The following ACYP2 variants were observed in gnomAD, a reference collection of about 807,000 sequenced individuals.
ACYP2 encodes acylphosphatase 2.
In ACYP2, 12 loss-of-function variants were observed where a neutral mutation model predicts 11.2. The observed-to-expected ratio is 1.08, with a 90% CI of 0.69 to 1.74. The LOEUF (loss-of-function observed/expected upper bound fraction) is 1.74. Among genes scored for constraint, ACYP2 ranks in the 40% most tolerant of loss-of-function variants. ACYP2 has a pLI of 0.00. For synonymous variants in ACYP2, 43 were observed against 32.2 expected (o/e 1.33, Z -1.13); for missense variants, 134 against 101.9 (o/e 1.31, Z -1.35).
At chr2:54,228,717 AAAG>A (rs760118487) in intron 6 of ACYP2, among the ~76,000 whole-genome samples, 10 of 152,082 alleles carry the variant, frequency 6.6e-5, no homozygotes, top group Non-Finnish European at 1.5e-4. Context: ...AAAAGAAAAA[AAAG>A]GAAGGAAGGG....
chr2:54,172,600 TC>T (rs1683264737), intron 6 of ACYP2, among the ~76,000 whole-genome samples: 1 of 152,158 alleles, frequency 6.6e-6, no homozygotes, highest in Non-Finnish European at 1.5e-5. Context: ...ATCTCTTTTT[TC>T]TTTTATTTAT....
intron 4 of ACYP2, among the ~76,000 whole-genome samples, chr2:54,097,851 C>CTTCT (rs529156501): frequency 1.4e-5 from 2 of 145,044 alleles, no homozygotes; most frequent in Non-Finnish European, 3.0e-5. Context: ...CTTTTATTTT[C>CTTCT]TTCTTTCTTT....
chr2:54,201,662 CTT>C (rs1276575637), intron 6 of ACYP2, among the ~76,000 whole-genome samples: 2 of 80,312 alleles, frequency 2.5e-5, no homozygotes, highest in African/African-American at 8.2e-5. Context: ...TTCTTTCTTT[CTT>C]TCTTTCTTTC....
intron 4 of ACYP2, among the ~76,000 whole-genome samples, chr2:54,068,721 A>ATCT (rs1473140569): frequency 5.9e-5 from 9 of 152,118 alleles, no homozygotes; most frequent in Non-Finnish European, 1.3e-4. Flanking sequence ...GCCCAAAAGC[A>ATCT]TCTTAGCTAA....
rs1361989429 is a variant in ACYP2 at position 54,242,895 on chromosome 2, C to T, written c.405-61793C>T. ...TGCATTTCTCAGAATGTATCCCAGTCATTAAATGATGCATGACCGTATGTA... is the reference window on the plus strand; with the variant it reads ...TGCATTTCTCAGAATGTATCCCAGTTATTAAATGATGCATGACCGTATGTA... On this transcript the variant is annotated intron_variant, in intron 6 of 6. Coordinates refer to ENST00000607452, the MANE Select transcript of ACYP2 (RefSeq NM_001320586.2). Among the ~76,000 whole-genome samples the T allele has an allele frequency of 3.3e-5, 5 of 152,190 alleles. No individual in the cohort carries two copies. In the East Asian group the frequency reaches 9.6e-4, roughly 29 times the overall value.
At chr2:54,062,261 G>A (rs947738630) in intron 4 of ACYP2, among the ~76,000 whole-genome samples, 3 of 152,010 alleles carry the variant, frequency 2.0e-5, no homozygotes, top group Non-Finnish European at 2.9e-5. Flanking sequence ...CCCTTGCTAC[G>A]GCTCAGGGGC....
intron 2 of ACYP2, among the ~76,000 whole-genome samples, chr2:54,012,821 A>T (rs916749531): frequency 4.6e-5 from 7 of 151,840 alleles, no homozygotes; most frequent in African/African-American, 1.7e-4. Flanking sequence ...AGGTCAAGTC[A>T]CTCTTGGCGC....
At chr2:54,053,841 A>G (rs993571540) in intron 3 of ACYP2, among the ~76,000 whole-genome samples, 17 of 152,200 alleles carry the variant, frequency 1.1e-4, no homozygotes, top group African/African-American at 3.9e-4. Flanking sequence ...CCCTGTTTAA[A>G]TTACTATGTG....
At chr2:54,045,843 G>A (rs1048581116) in intron 2 of ACYP2, among the ~76,000 whole-genome samples, 3 of 151,144 alleles carry the variant, frequency 2.0e-5, no homozygotes, top group Non-Finnish European at 4.4e-5. Flanking sequence ...AACACTTTCT[G>A]CTGCTCAGTA....
chr2:54,041,903 G>T (rs534544493), intron 2 of ACYP2, among the ~76,000 whole-genome samples: 1 of 151,958 alleles, frequency 6.6e-6, no homozygotes, highest in African/African-American at 2.4e-5. Context: ...CAATCCTCCC[G>T]CCTCAGCCTC....
In ACYP2 at chr2:54,290,229, CT is replaced by C. The variant is rs1262271734; in HGVS notation, c.405-14458del. On this transcript the variant is annotated intron_variant, in intron 6 of 6. Transcript: ENST00000607452. ...GAAGCTTCCCCGGGCGAGGCCGTGG[CT>C]GCCTGGCTTGGTCCCGGAGTCCACG... Among the ~76,000 whole-genome samples, 3 of 152,218 alleles carry C rather than the reference CT, an allele frequency of 2.0e-5. No individual in the cohort carries two copies. In the South Asian group the frequency reaches 6.2e-4, roughly 32 times the overall value.
intron 2 of ACYP2, among the ~76,000 whole-genome samples, chr2:53,998,918 C>G (rs1277211884): frequency 6.6e-6 from 1 of 152,120 alleles, no homozygotes; most frequent in African/African-American, 2.4e-5. Context: ...GCTCTCTGTT[C>G]ATGACTGAAG....
At chr2:54,149,958 C>T (rs1682071095) in intron 6 of ACYP2, among the ~76,000 whole-genome samples, 1 of 152,108 alleles carries the variant, frequency 6.6e-6, no homozygotes, top group Admixed American at 6.6e-5. Context: ...TCTCTTTTTC[C>T]AGAAGGCAAT....
At chr2:53,974,893 A>G (rs1301535037) in intron 2 of ACYP2, among the ~76,000 whole-genome samples, 1 of 151,884 alleles carries the variant, frequency 6.6e-6, no homozygotes, top group Non-Finnish European at 1.5e-5. Flanking sequence ...AAGAGAGTAG[A>G]GAGCTAATAG....
At chr2:54,093,560 G>A (rs1678345651) in intron 4 of ACYP2, among the ~76,000 whole-genome samples, 1 of 152,214 alleles carries the variant, frequency 6.6e-6, no homozygotes, top group East Asian at 1.9e-4. Context: ...GAATTCAGGT[G>A]CTGTTTCTGT....
At chr2:54,066,255 G>T (rs1419947539) in intron 4 of ACYP2, among the ~76,000 whole-genome samples, 1 of 152,150 alleles carries the variant, frequency 6.6e-6, no homozygotes, top group Non-Finnish European at 1.5e-5. Context: ...TGATGGTTTA[G>T]AAGTGCGTGG....
intron 2 of ACYP2, among the ~76,000 whole-genome samples, chr2:54,012,621 C>A (rs1226181227): frequency 2.0e-5 from 3 of 152,150 alleles, no homozygotes; most frequent in African/African-American, 7.2e-5. Flanking sequence ...GGCCGTCAGT[C>A]ACCAGAATCT....
intron 2 of ACYP2, among the ~76,000 whole-genome samples, chr2:54,004,674 T>C (rs1672969635): frequency 6.6e-6 from 1 of 151,914 alleles, no homozygotes; most frequent in African/African-American, 2.4e-5. Context: ...CCTCCCAAAG[T>C]GCTGGGATTA....
At chr2:54,015,775 G>C (rs1020838709) in intron 2 of ACYP2, among the ~76,000 whole-genome samples, 1 of 152,048 alleles carries the variant, frequency 6.6e-6, no homozygotes, top group African/African-American at 2.4e-5. Flanking sequence ...GCATGTGACA[G>C]TTTGAGAGGC....
Sources: gnomAD v4.1 joint callset for allele counts (sites outside exome capture counted in the v4.1 genomes callset) on GRCh38, gnomAD v4.1.1 for gene constraint, MANE v1.5 for transcripts, NCBI Gene and HGNC (gene_info 2026-07-23, HGNC 2026-07-21) for gene names.